The following APBA1 variants were observed in gnomAD, a reference collection of about 807,000 sequenced individuals.
APBA1 encodes the protein amyloid-beta A4 precursor protein-binding family A member 1.
APBA1 carries 55 observed loss-of-function variants against 86.6 expected under a neutral mutation model. The ratio of observed to expected loss-of-function variants is 0.64; its 90% CI spans 0.51 to 0.80. APBA1 has a LOEUF of 0.80. Among genes scored for constraint, APBA1 ranks in the 30% least tolerant of loss-of-function variants. APBA1 has a pLI of 0.00. For synonymous variants in APBA1, 511 were observed against 493.9 expected, an observed-to-expected ratio of 1.03 and a Z score of -0.46; for missense variants, 1,090 against 1,183.0, an observed-to-expected ratio of 0.92 and a Z score of 1.15.
At chr9:69,581,845 G>T (rs1286072044) in intron 1 of APBA1, among the ~76,000 whole-genome samples, 1 of 152,154 alleles carries the variant, frequency 6.6e-6, no homozygotes, top group Non-Finnish European at 1.5e-5. Flanking sequence ...ATAAGGACAA[G>T]GGCCTGGCTT....
intron 1 of APBA1, among the ~76,000 whole-genome samples, chr9:69,539,952 C>G (rs1467308614): frequency 6.6e-6 from 1 of 152,138 alleles, no homozygotes; most frequent in Non-Finnish European, 1.5e-5. Context: ...AACCCTGTCT[C>G]TACTAAAAAT....
chr9:69,586,970 C>G (rs1004914653), intron 1 of APBA1, among the ~76,000 whole-genome samples: 49 of 152,194 alleles, frequency 3.2e-4, no homozygotes, highest in African/African-American at 1.2e-3. Flanking sequence ...CTGGTAGAGA[C>G]CATTGTCACT....
At chr9:69,631,254 C>T (rs1252972317) in intron 1 of APBA1, among the ~76,000 whole-genome samples, 1 of 152,138 alleles carries the variant, frequency 6.6e-6, no homozygotes, top group African/African-American at 2.4e-5. Context: ...AGGATATGAA[C>T]AGACACTTCT....
chr9:69,578,207 G>C (rs1202800600), intron 1 of APBA1, among the ~76,000 whole-genome samples: 1 of 152,226 alleles, frequency 6.6e-6, no homozygotes, highest in Non-Finnish European at 1.5e-5. Flanking sequence ...GCAGACTCCA[G>C]GCCTTTTCTG....
intron 1 of APBA1, among the ~76,000 whole-genome samples, chr9:69,647,507 T>C (rs1823415221): frequency 6.6e-6 from 1 of 152,206 alleles, no homozygotes; most frequent in Admixed American, 6.5e-5. Flanking sequence ...CAAGCCGACT[T>C]CCAAATCTTA....
chr9:69,444,863 G>A (rs1405100165), intron 10 of APBA1, among the ~76,000 whole-genome samples: 3 of 152,308 alleles, frequency 2.0e-5, no homozygotes, highest in African/African-American at 7.2e-5. Flanking sequence ...TCCGGGGCTG[G>A]ATAAGAGACA....
chr9:69,598,287 G>T (rs946402851), intron 1 of APBA1, among the ~76,000 whole-genome samples: 5 of 151,814 alleles, frequency 3.3e-5, no homozygotes, highest in African/African-American at 1.2e-4. Context: ...CTGTGGTGGG[G>T]TGGGGGCACG....
At chr9:69,582,082 A>G (rs1175877427) in intron 1 of APBA1, among the ~76,000 whole-genome samples, 4 of 152,224 alleles carry the variant, frequency 2.6e-5, no homozygotes, top group Middle Eastern at 3.4e-3. Flanking sequence ...TTACCAAGTT[A>G]TTTACACAAA....
chr9:69,500,894 C>T (rs1034026196), intron 2 of APBA1, among the ~76,000 whole-genome samples: 2 of 152,100 alleles, frequency 1.3e-5, no homozygotes, highest in African/African-American at 2.4e-5. Flanking sequence ...AGACATTTAG[C>T]ATTTTTCATT....
At position 69,621,846 on chromosome 9, in the gene APBA1, T is replaced by C. The variant is rs1822825437; in HGVS notation, c.-70+50307A>G. ...TTGTGATCTTTAATCTGCTTCCTAC[T>C]AGTGAATAAACCATAGCATTTGGCA... On this transcript the variant is annotated intron_variant, in intron 1 of 12. Transcript: ENST00000265381. Among the ~76,000 whole-genome samples, 8 of 152,212 alleles carry C rather than the reference T, an allele frequency of 5.3e-5. No homozygotes were observed. The South Asian group carries it at 1.7e-3, about 32-fold the overall frequency.
At chr9:69,541,547 ATTTT>A (rs11461593) in intron 1 of APBA1, among the ~76,000 whole-genome samples, 50 of 142,060 alleles carry the variant, frequency 3.5e-4, no homozygotes, top group Middle Eastern at 7.3e-3. Flanking sequence ...TCTTTTTTGC[ATTTT>A]TTTTTTTTTT....
At chr9:69,440,938 A>T (rs1041938899) in intron 11 of APBA1, 58 bp downstream of exon 11, 1 of 1,585,046 alleles carries the variant, frequency 6.3e-7, no homozygotes, top group African/African-American at 1.3e-5. Context: ...CCCCCCAGCC[A>T]TGCTACATTT....
chr9:69,534,081 C>A (rs1445170334), intron 1 of APBA1, among the ~76,000 whole-genome samples: 1 of 152,188 alleles, frequency 6.6e-6, no homozygotes, highest in African/African-American at 2.4e-5. Context: ...GAAAGTAATT[C>A]AAAATATGCA....
At chr9:69,602,747 G>A (rs1822378839) in intron 1 of APBA1, among the ~76,000 whole-genome samples, 1 of 152,086 alleles carries the variant, frequency 6.6e-6, no homozygotes, top group South Asian at 2.1e-4. Context: ...AGGCCCTGGG[G>A]GAGAGATTGG....
intron 6 of APBA1, among the ~76,000 whole-genome samples, 195 bp downstream of exon 6, chr9:69,457,961 A>G (rs533203944): frequency 6.6e-6 from 1 of 152,336 alleles, no homozygotes; most frequent in East Asian, 1.9e-4. Flanking sequence ...TGAAATGACT[A>G]ATGAGCAACA....
At chr9:69,502,570 C>A (rs1198065788) in intron 2 of APBA1, among the ~76,000 whole-genome samples, 6 of 152,050 alleles carry the variant, frequency 3.9e-5, no homozygotes, top group Non-Finnish European at 4.4e-5. Context: ...AAAAACGTCT[C>A]ATTTTGTTGT....
At chr9:69,652,310 G>C (rs1318861122) in intron 1 of APBA1, among the ~76,000 whole-genome samples, 1 of 152,192 alleles carries the variant, frequency 6.6e-6, no homozygotes, top group African/African-American at 2.4e-5. Flanking sequence ...ATGGAACCCA[G>C]GTGTTGATAT....
At chr9:69,465,830 A>T (rs1304728963) in intron 5 of APBA1, among the ~76,000 whole-genome samples, 1 of 152,164 alleles carries the variant, frequency 6.6e-6, no homozygotes, top group African/African-American at 2.4e-5. Flanking sequence ...ATTTTAGAAG[A>T]AGACAAACAC....
At chr9:69,609,311 C>A (rs1822535391) in intron 1 of APBA1, among the ~76,000 whole-genome samples, 1 of 152,126 alleles carries the variant, frequency 6.6e-6, no homozygotes, top group Non-Finnish European at 1.5e-5. Flanking sequence ...AAAGAGCTAT[C>A]ATAAAAGACC....
Sources: gnomAD v4.1 joint callset for allele counts (sites outside exome capture counted in the v4.1 genomes callset) on GRCh38, gnomAD v4.1.1 for gene constraint, MANE v1.5 for transcripts, NCBI Gene and HGNC (gene_info 2026-07-23, HGNC 2026-07-21) for gene names.